The following GMNN variants were observed in gnomAD, a reference collection of about 807,000 sequenced individuals.
GMNN encodes the protein geminin.
In GMNN, 14 loss-of-function variants were observed where a neutral mutation model predicts 20.9. The observed-to-expected ratio is 0.67, with a 90% CI of 0.44 to 1.05. The LOEUF is 1.05. Among genes scored for constraint, GMNN ranks in the 50% least tolerant of loss-of-function variants. GMNN has a pLI of 0.00. For synonymous variants in GMNN, 81 were observed against 85.8 expected, an observed-to-expected ratio of 0.94 and a Z score of 0.31; for missense variants, 227 against 243.8, an observed-to-expected ratio of 0.93 and a Z score of 0.46.
intron 1 of GMNN, chr6:24,776,830 T>C (rs1409974293): frequency 1.3e-5 from 2 of 153,860 alleles, no homozygotes; most frequent in African/African-American, 4.8e-5. Flanking sequence ...CCCAGTTTAT[T>C]ATACCTTAAA....
At position 24,785,935 on chromosome 6, in the gene GMNN, A is replaced by G. The variant is rs1157470698; in HGVS notation, c.*136A>G. The stretch of plus-strand genomic sequence containing the variant: ...TGTTTGAATCCTGGGACCCTATTGC[A>G]TTAAAGTACAAATACTATGTATTTT... On this transcript the variant is annotated 3_prime_UTR_variant, in exon 7 of 7. Transcript: ENST00000230056. 1.7e-6 allele frequency: 1 copy of G among 600,076 alleles called. No homozygotes were observed. Among genetic ancestry groups the G allele is most frequent in the Non-Finnish European group, 2.9e-6 (1 of 344,802 alleles). The allele number at this position is 600,076 out of a possible 1,614,324, so 37.2% of individuals were successfully genotyped here.
At chr6:24,784,207 T>C (rs938277013) in intron 5 of GMNN, 38 bp downstream of exon 5, 5 of 1,054,608 alleles carry the variant, frequency 4.7e-6, no homozygotes, top group Non-Finnish European at 7.4e-6. Context: ...TTTTAAAAAT[T>C]CCAGGATTGT....
chr6:24,784,920 C>A (rs1216551651), intron 6 of GMNN, among the ~76,000 whole-genome samples: 1 of 152,036 alleles, frequency 6.6e-6, no homozygotes, highest in Non-Finnish European at 1.5e-5. Flanking sequence ...AAGGAATTAT[C>A]CCTGGAAAAT....
At chr6:24,782,364 A>C (rs574224267) in intron 4 of GMNN, among the ~76,000 whole-genome samples, 1 of 152,322 alleles carries the variant, frequency 6.6e-6, no homozygotes, top group South Asian at 2.1e-4. Context: ...TCAGAAGAAG[A>C]AGCAACTGAT....
At chr6:24,780,440 A>G (rs1383777912) in intron 2 of GMNN, among the ~76,000 whole-genome samples, 2 of 152,226 alleles carry the variant, frequency 1.3e-5, no homozygotes, top group African/African-American at 4.8e-5. Flanking sequence ...AAACTTTATT[A>G]TAATTTTTGG....
intron 4 of GMNN, among the ~76,000 whole-genome samples, chr6:24,781,942 A>G (rs1228766067): frequency 6.6e-6 from 1 of 152,144 alleles, no homozygotes; most frequent in East Asian, 1.9e-4. Context: ...TTAGCTGAGC[A>G]TGGTGGCTTG....
intron 4 of GMNN, among the ~76,000 whole-genome samples, chr6:24,782,498 T>C (rs1163608506): frequency 2.6e-5 from 4 of 152,268 alleles, no homozygotes; most frequent in Non-Finnish European, 5.9e-5. Context: ...ACAGTAACAT[T>C]TGGACTCATT....
intron 1 of GMNN, among the ~76,000 whole-genome samples, chr6:24,776,468 T>C (rs1780072603): frequency 6.6e-6 from 1 of 152,198 alleles, no homozygotes; most frequent in Admixed American, 6.5e-5. Flanking sequence ...TGTTTGCACA[T>C]GTGTGTGCAC....
intron 4 of GMNN, 75 bp downstream of exon 4, chr6:24,781,696 A>G: frequency 1.6e-6 from 1 of 607,104 alleles, no homozygotes; most frequent in Non-Finnish European, 2.8e-6. Flanking sequence ...ACTATTATGA[A>G]TTCTGCCAAT....
At chr6:24,785,048 TTTATC>T (rs1236573073) in intron 6 of GMNN, among the ~76,000 whole-genome samples, 2 of 152,164 alleles carry the variant, frequency 1.3e-5, no homozygotes, top group Non-Finnish European at 2.9e-5. Flanking sequence ...GTTTTGTGGT[TTTATC>T]TGACTTTAAA....
At chr6:24,775,614 A>C (rs748548697) in intron 1 of GMNN, 2 of 152,258 alleles carry the variant, frequency 1.3e-5, no homozygotes, top group Non-Finnish European at 2.9e-5. Flanking sequence ...TGGCTCATGG[A>C]AAGAGGTGGC....
chr6:24,776,952 G>A (rs1227954497), intron 1 of GMNN: 2 of 213,622 alleles, frequency 9.4e-6, no homozygotes, highest in Middle Eastern at 1.5e-3. Context: ...AGGACAATAT[G>A]TTTAGAAATT....
At chr6:24,779,768 T>G (rs139300413) in intron 2 of GMNN, among the ~76,000 whole-genome samples, 586 of 152,328 alleles carry the variant, frequency 3.8e-3, no homozygotes, top group Non-Finnish European at 6.5e-3. Flanking sequence ...GGAGAGAACT[T>G]TCAGATCATG....
chr6:24,780,479 C>G (rs1780180616), intron 2 of GMNN, among the ~76,000 whole-genome samples, 184 bp from the exon 3 acceptor site: 1 of 152,126 alleles, frequency 6.6e-6, no homozygotes, highest in Admixed American at 6.6e-5. Flanking sequence ...TTGATTAAAC[C>G]AGTGTCTTGT....
Position 24,782,420 on chromosome 6 carries a change from G to A in GMNN, c.274+799G>A, listed in dbSNP as rs1780244308. On this transcript the variant is annotated intron_variant, in intron 4 of 6. Coordinates refer to ENST00000230056, the MANE Select transcript of GMNN (RefSeq NM_015895.5). ...GATTATTATTTCTGTATGAATTATG[G>A]GTCATTGAATGTTAAGTACTGATGA... 2.0e-5 allele frequency among the ~76,000 whole-genome samples: 3 copies of A among 152,220 alleles called. No homozygotes were observed. The South Asian group carries it at 6.2e-4, about 32-fold the overall frequency.
intron 4 of GMNN, among the ~76,000 whole-genome samples, chr6:24,783,416 A>T (rs1158797154): frequency 1.3e-5 from 2 of 152,202 alleles, no homozygotes; most frequent in Non-Finnish European, 2.9e-5. Flanking sequence ...TAGAAGTAAT[A>T]GATATAAGCC....
At chr6:24,776,234 A>C (rs1401454783) in intron 1 of GMNN, among the ~76,000 whole-genome samples, 1 of 151,966 alleles carries the variant, frequency 6.6e-6, no homozygotes, top group Non-Finnish European at 1.5e-5. Flanking sequence ...AGTAGCTGGG[A>C]CTACAGACGA....
chr6:24,777,335 A>C (rs1780099711), intron 2 of GMNN, 38 bp downstream of exon 2: 2 of 761,976 alleles, frequency 2.6e-6, no homozygotes, highest in Non-Finnish European at 4.3e-6. Flanking sequence ...TTTTGTAGAA[A>C]GCATGGGGCT....
chr6:24,785,239 T>C (rs574427519), intron 6 of GMNN, among the ~76,000 whole-genome samples: 1 of 152,290 alleles, frequency 6.6e-6, no homozygotes, highest in South Asian at 2.1e-4. Context: ...ACCTTTTACA[T>C]TTGAGATCCA....
Sources: gnomAD v4.1 joint callset for allele counts (sites outside exome capture counted in the v4.1 genomes callset) on GRCh38, gnomAD v4.1.1 for gene constraint, MANE v1.5 for transcripts, NCBI Gene and HGNC (gene_info 2026-07-23, HGNC 2026-07-21) for gene names.